PARVA: variants seen among roughly 807,000 people sequenced by gnomAD.
The protein encoded by PARVA is parvin alpha, also known as alpha-parvin.
Under a neutral mutation model 52.6 loss-of-function variants are expected in PARVA, and 25 were observed. The observed-to-expected ratio is 0.48, with a 90% CI of 0.35 to 0.66. The LOEUF is 0.66. PARVA is among the 30% of genes least tolerant of loss of function. PARVA has a pLI of 0.01. For synonymous variants in PARVA, 185 were observed against 179.1 expected (o/e 1.03, Z -0.26); for missense variants, 373 against 450.9 (o/e 0.83, Z 1.56).
intron 1 of PARVA, among the ~76,000 whole-genome samples, chr11:12,427,651 C>T (rs1940257586): frequency 6.6e-6 from 1 of 152,056 alleles, no homozygotes; most frequent in Non-Finnish European, 1.5e-5. Context: ...TACAAAAAAA[C>T]AATTATCTTG....
chr11:12,423,322 GC>G (rs1228893940), intron 1 of PARVA, among the ~76,000 whole-genome samples: 5 of 151,072 alleles, frequency 3.3e-5, no homozygotes, highest in Admixed American at 6.6e-5. Context: ...AGGACCACAG[GC>G]GTGCGCCACC....
intron 1 of PARVA, among the ~76,000 whole-genome samples, chr11:12,464,506 C>G (rs147646906): frequency 1.3e-5 from 2 of 152,176 alleles, no homozygotes; most frequent in African/African-American, 4.8e-5. Context: ...TGCCTAAATG[C>G]AGTTCCTTTT....
Position 12,513,440 on chromosome 11 carries a change from G to A in PARVA, c.798+80G>A, listed in dbSNP as rs763580065. 4.8e-5 allele frequency: 62 copies of A among 1,293,476 alleles called. 1 individual carries two copies. The South Asian group carries it at 5.8e-4, about 12-fold the overall frequency. 80.1% of individuals were successfully genotyped at this position (1,293,476 alleles called of 1,614,324 possible). A position where few individuals can be genotyped will look rare whatever the true frequency, so the allele number is the denominator to read the frequency against. ...GGGAAAACCCATCCCTGCAGCTTGC[G>A]AGCTTCCTGCCAGAACTGGTGGCAT... On this transcript the variant is annotated intron_variant, in intron 9 of 12. Coordinates refer to ENST00000334956, the MANE Select transcript of PARVA (RefSeq NM_018222.5).
At chr11:12,468,282 C>G (rs1333418091) in intron 1 of PARVA, among the ~76,000 whole-genome samples, 1 of 152,204 alleles carries the variant, frequency 6.6e-6, no homozygotes, top group Non-Finnish European at 1.5e-5. Context: ...ATCACCAGTG[C>G]TGGCATGGGG....
intron 1 of PARVA, among the ~76,000 whole-genome samples, chr11:12,416,748 A>G (rs1262807116): frequency 6.6e-6 from 1 of 150,382 alleles, no homozygotes; most frequent in East Asian, 2.0e-4. Flanking sequence ...CAGAGAAGGA[A>G]GGAAGAAAGC....
intron 1 of PARVA, among the ~76,000 whole-genome samples, chr11:12,464,846 C>A (rs551037400): frequency 3.3e-5 from 5 of 152,182 alleles, no homozygotes; most frequent in African/African-American, 7.2e-5. Context: ...TAGTCCCCAA[C>A]CTTTTTGGCA....
chr11:12,412,775 C>G (rs1166209554), intron 1 of PARVA, among the ~76,000 whole-genome samples: 1 of 152,206 alleles, frequency 6.6e-6, no homozygotes, highest in Admixed American at 6.5e-5. Flanking sequence ...GCAAGCAGAC[C>G]TTTACTTCAT....
At position 12,496,617 on chromosome 11, in the gene PARVA, A is replaced by C. The variant is rs776689961; in HGVS notation, c.541+19A>C. ...GTGGATTGTGAGTTGAACAAAGGAA[A>C]GGGGCACCATTAAACAATGCCTGTG... is the stretch of plus-strand genomic sequence containing the variant. On this transcript the variant is annotated intron_variant, in intron 5 of 12. Transcript: ENST00000334956. 4.4e-6 allele frequency: 7 copies of C among 1,608,222 alleles called. No homozygotes were observed. Among genetic ancestry groups the C allele is most frequent in the Non-Finnish European group, 5.9e-6 (7 of 1,177,402 alleles).
chr11:12,388,487 A>G (rs1353566961), intron 1 of PARVA, among the ~76,000 whole-genome samples: 1 of 152,198 alleles, frequency 6.6e-6, no homozygotes, highest in Non-Finnish European at 1.5e-5. Context: ...TAATGACTGC[A>G]CACTCTCTTG....
chr11:12,523,356 C>T (rs1201026322), intron 12 of PARVA, among the ~76,000 whole-genome samples: 1 of 152,110 alleles, frequency 6.6e-6, no homozygotes, highest in African/African-American at 2.4e-5. Context: ...AGCTGCCAGC[C>T]CTGAGCCAGC....
At position 12,511,507 on chromosome 11, in the gene PARVA, C is replaced by G; in HGVS notation, c.717-7C>G. On this transcript the variant is annotated splice_polypyrimidine_tract_variant and splice_region_variant and intron_variant, in intron 7 of 12. Transcript: ENST00000334956. ...GTCACACTATTTTCTTTCTCTTTTT[C>G]CTCCAGGGCTCTTTCCGGGAGGCAT... The G allele has an allele frequency of 6.2e-7, 1 of 1,612,752 alleles. No homozygotes were observed. The highest frequency in any genetic ancestry group is 8.5e-7 in the Non-Finnish European group (1 of 1,179,408).
chr11:12,415,244 C>A (rs529720317), intron 1 of PARVA, among the ~76,000 whole-genome samples: 39 of 152,218 alleles, frequency 2.6e-4, no homozygotes, highest in Middle Eastern at 3.4e-3. Flanking sequence ...CTCATGGGAG[C>A]AAAGATGGCA....
intron 3 of PARVA, among the ~76,000 whole-genome samples, chr11:12,476,276 A>G (rs534842681): frequency 1.3e-5 from 2 of 152,096 alleles, no homozygotes; most frequent in African/African-American, 4.8e-5. Context: ...GATTTTCTAG[A>G]TCTAGGCTGC....
At chr11:12,525,667 G>C (rs554977786) in intron 12 of PARVA, among the ~76,000 whole-genome samples, 1 of 152,254 alleles carries the variant, frequency 6.6e-6, no homozygotes, top group Admixed American at 6.5e-5. Context: ...GGGACTCCTG[G>C]CTCAGCATTA....
chr11:12,425,985 C>A (rs1218837749), intron 1 of PARVA, among the ~76,000 whole-genome samples: 1 of 106,482 alleles, frequency 9.4e-6, no homozygotes, highest in Non-Finnish European at 1.9e-5. Flanking sequence ...CATTAATCAG[C>A]CATCCACTCC....
chr11:12,420,148 G>T (rs1391863101), intron 1 of PARVA, among the ~76,000 whole-genome samples: 4 of 152,128 alleles, frequency 2.6e-5, no homozygotes, highest in Non-Finnish European at 5.9e-5. Flanking sequence ...CAGGAATGAA[G>T]ACTTTAGGAG....
intron 12 of PARVA, among the ~76,000 whole-genome samples, chr11:12,522,459 T>A (rs1941649633): frequency 7.1e-6 from 1 of 139,878 alleles, no homozygotes; most frequent in Non-Finnish European, 1.5e-5. Context: ...AGTTTCGCTC[T>A]CCAGGCTGGA....
chr11:12,476,242 C>A (rs1485189828), intron 3 of PARVA, among the ~76,000 whole-genome samples: 1 of 152,156 alleles, frequency 6.6e-6, no homozygotes, highest in Non-Finnish European at 1.5e-5. Context: ...GCACAGCTAC[C>A]TCCGTACTTC....
At chr11:12,403,048 C>A (rs1181887761) in intron 1 of PARVA, among the ~76,000 whole-genome samples, 1 of 152,240 alleles carries the variant, frequency 6.6e-6, no homozygotes, top group African/African-American at 2.4e-5. Context: ...ATATTATCAG[C>A]CCTGCTGGCA....
Sources: allele counts gnomAD v4.1 joint callset (sites outside exome capture counted in the v4.1 genomes callset), GRCh38; gene constraint gnomAD v4.1.1; transcripts MANE v1.5; gene names NCBI Gene and HGNC (gene_info 2026-07-23, HGNC 2026-07-21).